VRK2: variants seen among roughly 807,000 people sequenced by gnomAD.
VRK2 encodes the protein VRK serine/threonine kinase 2, also known as serine/threonine-protein kinase VRK2.
In VRK2, 60 loss-of-function variants were observed where a neutral mutation model predicts 57.6. The ratio of observed to expected loss-of-function variants is 1.04; its 90% CI spans 0.85 to 1.29. The LOEUF (loss-of-function observed/expected upper bound fraction) is 1.29. Ranked by LOEUF, VRK2 falls within the 50% of genes most tolerant of loss-of-function variation. The pLI is 0.00. For missense variants in VRK2, 705 were observed against 588.1 expected (o/e 1.20, Z -2.06); for synonymous variants, 231 against 199.2 (o/e 1.16, Z -1.35).
intron 1 of VRK2, among the ~76,000 whole-genome samples, chr2:57,909,309 CTAT>C (rs1669916275): frequency 6.6e-6 from 1 of 152,122 alleles, no homozygotes; most frequent in African/African-American, 2.4e-5. Context: ...AACCACCCAC[CTAT>C]TATTATAAAC....
chr2:58,026,041 A>G (rs1370086659), intron 2 of VRK2, among the ~76,000 whole-genome samples: 1 of 152,134 alleles, frequency 6.6e-6, no homozygotes. Flanking sequence ...AATGAAATGA[A>G]ATGTGACTCT....
At position 57,955,823 on chromosome 2, in the gene VRK2, T is replaced by C. The variant is rs749175412; in HGVS notation, c.-439+47984T>C. 6.3e-4 allele frequency among the ~76,000 whole-genome samples: 96 copies of C among 152,244 alleles called. 1 individual carries two copies. Among genetic ancestry groups the C allele is most frequent in the Non-Finnish European group, 1.1e-3 (74 of 68,002 alleles). On this transcript the variant is annotated intron_variant, in intron 1 of 15. Transcript: ENST00000417641. ...TGAGAATTTTTGCACATTAGAAATATTACGATCATAATTTAGCAAAAAGTA... is the reference window on the plus strand; with the variant it reads ...TGAGAATTTTTGCACATTAGAAATACTACGATCATAATTTAGCAAAAAGTA...
chr2:58,113,138 G>A (rs542916298), intron 7 of VRK2, among the ~76,000 whole-genome samples: 15 of 151,858 alleles, frequency 9.9e-5, no homozygotes, highest in African/African-American at 2.4e-4. Context: ...GTGAAACCCC[G>A]TCTCTACTAA....
At chr2:57,942,505 A>C (rs147015665) in intron 1 of VRK2, among the ~76,000 whole-genome samples, 2 of 152,302 alleles carry the variant, frequency 1.3e-5, no homozygotes, top group African/African-American at 4.8e-5. Context: ...TTCTTTAGGT[A>C]AACTTTATGT....
intron 12 of VRK2, among the ~76,000 whole-genome samples, chr2:58,157,797 T>C (rs1221392683): frequency 1.3e-5 from 2 of 152,240 alleles, no homozygotes; most frequent in African/African-American, 2.4e-5. Flanking sequence ...TTACTTTCCA[T>C]ACAGTTTTTG....
chr2:58,059,715 T>C (rs944348219), intron 2 of VRK2, among the ~76,000 whole-genome samples: 2 of 151,816 alleles, frequency 1.3e-5, no homozygotes, highest in Non-Finnish European at 2.9e-5. Context: ...AAGGGTGATT[T>C]CATGAAAAAG....
intron 1 of VRK2, among the ~76,000 whole-genome samples, chr2:58,023,905 T>C (rs1404393124): frequency 6.6e-6 from 1 of 151,962 alleles, no homozygotes; most frequent in Non-Finnish European, 1.5e-5. Flanking sequence ...ATATAGAGAT[T>C]TACTAAAAAA....
intron 2 of VRK2, among the ~76,000 whole-genome samples, chr2:58,052,752 A>G (rs1234202123): frequency 6.6e-6 from 1 of 152,176 alleles, no homozygotes; most frequent in Non-Finnish European, 1.5e-5. Flanking sequence ...ATGTCAGCAT[A>G]AGACTTTATG....
chr2:58,119,716 TC>T (rs1332957203), intron 7 of VRK2, among the ~76,000 whole-genome samples: 1 of 151,320 alleles, frequency 6.6e-6, no homozygotes, highest in African/African-American at 2.4e-5. Context: ...TAACAAAACT[TC>T]CATGAGAATC....
intron 2 of VRK2, among the ~76,000 whole-genome samples, chr2:58,078,567 C>T (rs1670442008): frequency 2.6e-5 from 4 of 152,028 alleles, no homozygotes; most frequent in East Asian, 1.9e-4. Context: ...TTTGAGGAGC[C>T]GCCATACCAT....
chr2:57,935,257 A>T (rs1336910638), intron 1 of VRK2, among the ~76,000 whole-genome samples: 2 of 152,068 alleles, frequency 1.3e-5, no homozygotes, highest in African/African-American at 4.8e-5. Context: ...GCCCAGCTAA[A>T]GATTCTTAAA....
chr2:58,129,986 C>T (rs1015993226), intron 8 of VRK2, among the ~76,000 whole-genome samples: 2 of 152,080 alleles, frequency 1.3e-5, no homozygotes, highest in Non-Finnish European at 2.9e-5. Context: ...TAAGACCAAA[C>T]TATAATAGTG....
At chr2:58,066,444 A>G (rs1288316451) in intron 2 of VRK2, among the ~76,000 whole-genome samples, 3 of 152,088 alleles carry the variant, frequency 2.0e-5, no homozygotes, top group East Asian at 1.9e-4. Flanking sequence ...TATTATTTTT[A>G]TGTATTTCTG....
At chr2:57,959,365 C>T (rs182172692) in intron 1 of VRK2, among the ~76,000 whole-genome samples, 1 of 152,314 alleles carries the variant, frequency 6.6e-6, no homozygotes, top group Admixed American at 6.5e-5. Flanking sequence ...AAGAAACAGA[C>T]AGAACAAAGC....
chr2:58,104,445 A>T (rs1002232027), intron 7 of VRK2, among the ~76,000 whole-genome samples: 10 of 150,170 alleles, frequency 6.7e-5, no homozygotes. Context: ...CAAATCGAAA[A>T]GGCAATTTTA....
At chr2:58,036,991 T>C (rs1674297167) in intron 3 of VRK2, among the ~76,000 whole-genome samples, 2 of 151,944 alleles carry the variant, frequency 1.3e-5, no homozygotes, top group Non-Finnish European at 2.9e-5. Flanking sequence ...TAGTCTGGAG[T>C]GTAGTGGTGC....
chr2:58,123,848 C>A (rs1361014021), intron 8 of VRK2, among the ~76,000 whole-genome samples: 103 of 151,128 alleles, frequency 6.8e-4, no homozygotes, highest in Non-Finnish European at 1.1e-3. Flanking sequence ...GAGCAAGACC[C>A]CTCAGAAAAA....
At chr2:58,006,491 C>G (rs1425395494) in intron 1 of VRK2, among the ~76,000 whole-genome samples, 1 of 152,084 alleles carries the variant, frequency 6.6e-6, no homozygotes, top group Admixed American at 6.5e-5. Flanking sequence ...TACCACTGAC[C>G]AATACTGTGA....
intron 12 of VRK2, among the ~76,000 whole-genome samples, chr2:58,147,867 T>C (rs192943110): frequency 6.6e-6 from 1 of 151,494 alleles, no homozygotes; most frequent in East Asian, 1.9e-4. Flanking sequence ...TTTCCATTGC[T>C]GAACAGCACT....
Sources: gnomAD v4.1 joint callset for allele counts (sites outside exome capture counted in the v4.1 genomes callset) on GRCh38, gnomAD v4.1.1 for gene constraint, MANE v1.5 for transcripts, NCBI Gene and HGNC (gene_info 2026-07-23, HGNC 2026-07-21) for gene names.